Variants in TCIRG1 observed in about 807,000 individuals in gnomAD.
TCIRG1 encodes V-type proton ATPase 116 kDa subunit a 3.
TCIRG1 carries 86 observed loss-of-function variants against 95.5 expected under a neutral mutation model. That is an observed-to-expected ratio of 0.90 (90% CI 0.76 to 1.08). The LOEUF is 1.08. Among genes scored for constraint, TCIRG1 ranks in the 50% least tolerant of loss-of-function variants. The pLI, the probability that TCIRG1 is intolerant of heterozygous loss-of-function variation, is 0.00. For missense variants in TCIRG1, 1,069 were observed against 1,140.2 expected (o/e 0.94, Z 0.90); for synonymous variants, 499 against 501.3 (o/e 1.00, Z 0.06).
chr11:68,050,918 T>A (rs776675524), downstream of TCIRG1: 14 of 1,370,916 alleles, frequency 1.0e-5, no homozygotes, highest in Non-Finnish European at 1.4e-5. Context: ...CTCTCTTCCC[T>A]CCTTTTTAGC....
chr11:68,042,766 A>G lies in TCIRG1; in HGVS notation c.320A>G (p.Glu107Gly). ...IQEETERLAQ[E>G]LRDVRGNQQA... is the part of the protein sequence containing the mutation. Reference sequence around the variant, plus strand: ...GAGGAGACGGAGCGCCTGGCCCAGGAGCTGCGGGATGTGCGGGGCAACCAG... The same window carrying G: ...GAGGAGACGGAGCGCCTGGCCCAGGGGCTGCGGGATGTGCGGGGCAACCAG... Residue 107 changes from glutamate to glycine, a missense_variant, in exon 4 of 20, where the codon GAG becomes GGG. Glu to Gly is a moderately conservative substitution (Grantham distance 98, BLOSUM62 -2). Transcript: ENST00000265686. The G allele has an allele frequency of 6.5e-7, 1 of 1,547,698 alleles. No individual in the cohort carries two copies. Among genetic ancestry groups the G allele is most frequent in the South Asian group, 1.2e-5 (1 of 83,940 alleles).
rs1196518462 is a variant in TCIRG1 at position 68,049,633 on chromosome 11, A to G, written c.1888-30A>G. The G allele has an allele frequency of 1.9e-6, 3 of 1,595,264 alleles. No homozygotes were observed. The East Asian group carries it at 6.7e-5, about 36-fold the overall frequency. ...TCCTTTGCAGGTGTGCACAGCAGGG[A>G]CGCCCTGACTCTCGCCCTCTCCCTG... is the stretch of plus-strand genomic sequence containing the variant. On this transcript the variant is annotated intron_variant, in intron 15 of 19. Coordinates refer to ENST00000265686, the MANE Select transcript of TCIRG1 (RefSeq NM_006019.4).
chr11:68,049,208 G>A lies in TCIRG1; in HGVS notation c.1801G>A (p.Ala601Thr), dbSNP rs199995618. 84 of 1,613,820 alleles carry A rather than the reference G, an allele frequency of 5.2e-5. 1 individual carries two copies. Among genetic ancestry groups the A allele is most frequent in the East Asian group, 1.6e-4 (7 of 44,878 alleles). Residue 601 changes from alanine to threonine, a missense_variant, in exon 15 of 20, where the codon GCC becomes ACC. Physicochemically the swap from Ala to Thr is moderately conservative, Grantham distance 58. Transcript: ENST00000265686. ...GCTGTGTGTCTGGGCTGCCAGGGCCGCCTCGGCCCCCAGCATCCTCATCCA... is the reference window on the plus strand; with the variant it reads ...GCTGTGTGTCTGGGCTGCCAGGGCCACCTCGGCCCCCAGCATCCTCATCCA... Reference protein sequence around the residue: ...KWLCVWAARAASAPSILIHFI... With the variant: ...KWLCVWAARATSAPSILIHFI...
intron 9 of TCIRG1, 182 bp from the exon 10 acceptor site, chr11:68,044,776 G>A (rs1855386909): frequency 2.7e-6 from 2 of 735,770 alleles, no homozygotes; most frequent in Non-Finnish European, 4.5e-6. Context: ...GCCAATCCAT[G>A]TGGTGTCTTT....
At position 68,041,359 on chromosome 11, in the gene TCIRG1, G is replaced by A; in HGVS notation, c.88G>A (p.Gly30Ser). ...TGCCTACACCTGCGTGAGTCGGCTG[G>A]GCGAGCTGGGCCTCGTGGAGTTCAG... ...AAAYTCVSRLGELGLVEFRDL... is the reference protein window; with the variant it reads ...AAAYTCVSRLSELGLVEFRDL... Residue 30 changes from glycine (G) to serine (S), a missense_variant, in exon 2 of 20, where the codon GGC becomes AGC. Transcript: ENST00000265686. The A allele has an allele frequency of 6.2e-7, 1 of 1,613,010 alleles. No homozygotes were observed. The highest frequency in any genetic ancestry group is 8.5e-7 in the Non-Finnish European group (1 of 1,179,800).
At chr11:68,041,952 G>A in intron 3 of TCIRG1, 121 bp downstream of exon 3, 1 of 852,904 alleles carries the variant, frequency 1.2e-6, no homozygotes, top group Middle Eastern at 2.2e-4. Context: ...GGTATATGCA[G>A]GGCCCTGCAG....
intron 3 of TCIRG1, 75 bp from the exon 4 acceptor site, chr11:68,042,568 T>C: frequency 1.6e-6 from 2 of 1,250,408 alleles, no homozygotes; most frequent in Non-Finnish European, 2.3e-6. Context: ...GCCGATGGAG[T>C]TTGGGGCAGC....
At chr11:68,050,438 T>C (rs756326556) in intron 18 of TCIRG1, 49 bp from the exon 19 acceptor site, 1 of 1,611,292 alleles carries the variant, frequency 6.2e-7, no homozygotes, top group Non-Finnish European at 8.5e-7. Flanking sequence ...GGTAGGGGGC[T>C]GGCAGGCACC....
chr11:68,050,727 C>CT lies in TCIRG1; in HGVS notation c.2415-12dup, dbSNP rs1447419388. ...TGAGTTCCCCTCACCAACCCCTCTG[C>CT]TTCTCACCCCCAGGGTGGAATTCCA... On this transcript the variant is annotated splice_polypyrimidine_tract_variant and intron_variant, in intron 19 of 19. Coordinates refer to ENST00000265686, the MANE Select transcript of TCIRG1 (RefSeq NM_006019.4). 2.5e-6 allele frequency: 4 copies of CT among 1,613,802 alleles called. No individual in the cohort carries two copies. The highest frequency in any genetic ancestry group is 2.5e-6 in the Non-Finnish European group (3 of 1,180,032).
downstream of TCIRG1, among the ~76,000 whole-genome samples, chr11:68,051,847 T>C (rs1442922132): frequency 6.6e-6 from 1 of 152,138 alleles, no homozygotes; most frequent in African/African-American, 2.4e-5. Flanking sequence ...GGGCAGAGAC[T>C]TGGGGCGGGC....
At chr11:68,039,554 G>A (rs1199759526) in intron 1 of TCIRG1, among the ~76,000 whole-genome samples, 1 of 152,208 alleles carries the variant, frequency 6.6e-6, no homozygotes, top group Non-Finnish European at 1.5e-5. Flanking sequence ...GAGGTGCAGA[G>A]AGACCTGCTG....
downstream of TCIRG1, among the ~76,000 whole-genome samples, chr11:68,051,245 T>C (rs968749727): frequency 6.6e-5 from 10 of 152,130 alleles, no homozygotes; most frequent in African/African-American, 2.2e-4. Flanking sequence ...TACAGAGCAG[T>C]GTGGGGCACC....
At chr11:68,046,746 A>T (rs967758706) in intron 10 of TCIRG1, among the ~76,000 whole-genome samples, 1 of 152,152 alleles carries the variant, frequency 6.6e-6, no homozygotes, top group Non-Finnish European at 1.5e-5. Flanking sequence ...AGCTGAAGTG[A>T]CCAGCTCGGC....
intron 4 of TCIRG1, 32 bp downstream of exon 4, chr11:68,042,895 G>A (rs746212412): frequency 6.5e-7 from 1 of 1,550,122 alleles, no homozygotes; most frequent in South Asian, 1.2e-5. Flanking sequence ...AGACTGGGGG[G>A]CTGGGGAGGG....
Position 68,047,650 on chromosome 11 carries a change from T to C in TCIRG1, c.1309T>C (p.Trp437Arg). The C allele has an allele frequency of 6.2e-7, 1 of 1,613,350 alleles. No individual in the cohort carries two copies. Among genetic ancestry groups the C allele is most frequent in the Non-Finnish European group, 8.5e-7 (1 of 1,179,990 alleles). The change falls in exon 12 of 20, where the codon TGG becomes CGG. Residue 437 changes from tryptophan to arginine, a missense_variant. Physicochemically the swap from Trp to Arg is moderately radical, Grantham distance 101 (BLOSUM62 -3). Coordinates refer to ENST00000265686, the MANE Select transcript of TCIRG1 (RefSeq NM_006019.4). ...CACCACACCACTGCCCCCCCAGATCTGGCAGACTTTCTTCAGGGGCCGCTA... is the reference window on the plus strand; with the variant it reads ...CACCACACCACTGCCCCCCCAGATCCGGCAGACTTTCTTCAGGGGCCGCTA... ...PAVKAAQNEI[W>R]QTFFRGRYLL...
rs774595102 is a variant in TCIRG1 at position 68,049,105 on chromosome 11, G to A, written c.1698G>A (p.Leu566=). ...NHVHFGQRHR[L]LLETLPELTF... ...GGCACTTTGGCCAGAGGCACCGGCT[G>A]CTGCTGGAGACGCTGCCGGAGCTCA... Residue 566 remains leucine, a synonymous_variant, in exon 15 of 20, where the codon CTG becomes CTA. Transcript: ENST00000265686. 8 of 1,613,566 alleles carry A rather than the reference G, an allele frequency of 5.0e-6. No homozygotes were observed. The African/African-American group carries it at 1.1e-4, about 22-fold the overall frequency.
rs2134456332 is a variant in TCIRG1, at chr11:68,047,971, C to T, written c.1553C>T (p.Pro518Leu). The change falls in exon 13 of 20, where the codon CCT becomes CTT. Residue 518 changes from proline to leucine, a missense_variant and splice_region_variant. Pro to Leu is a moderately conservative substitution (Grantham distance 98). Coordinates refer to ENST00000265686, the MANE Select transcript of TCIRG1 (RefSeq NM_006019.4). ...GGACCCTACCCCTTTGGCATCGATC[C>T]TGTGAGTCCTGGGATGGAGTGTCCG... The part of the protein sequence containing the change: ...FLGPYPFGID[P>L]IWSLAANHLS... 1 of 1,613,448 alleles carries T rather than the reference C, an allele frequency of 6.2e-7. No homozygotes were observed.
At chr11:68,050,349 C>A (rs1258584372) in intron 18 of TCIRG1, 95 bp downstream of exon 18, 10 of 1,598,302 alleles carry the variant, frequency 6.3e-6, no homozygotes, top group Non-Finnish European at 8.5e-6. Context: ...GCCTCAGTTT[C>A]CCCTCTGTAA....
At chr11:68,050,908 C>T (rs1855774812), downstream of TCIRG1, 1 of 1,411,078 alleles carries the variant, frequency 7.1e-7, no homozygotes, top group East Asian at 2.3e-5. Context: ...GATGTCTCGT[C>T]TCTCTTCCCT....
Sources: allele counts gnomAD v4.1 joint callset (sites outside exome capture counted in the v4.1 genomes callset), GRCh38; gene constraint gnomAD v4.1.1; transcripts MANE v1.5; gene names NCBI Gene and HGNC (gene_info 2026-07-23, HGNC 2026-07-21).